P4HB: variants seen among roughly 807,000 people sequenced by gnomAD.
P4HB encodes the protein prolyl 4-hydroxylase subunit beta.
Under a neutral mutation model 52.6 loss-of-function variants are expected in P4HB, and 20 were observed. The observed-to-expected ratio is 0.38, with a 90% confidence interval of 0.27 to 0.55. The LOEUF (loss-of-function observed/expected upper bound fraction) is 0.55, where lower values mean the gene tolerates loss of function less well. Ranked by LOEUF, P4HB falls within the 20% of genes least tolerant of loss-of-function variation. P4HB has a pLI of 0.74. For missense variants in P4HB, 601 were observed against 669.2 expected (o/e 0.90, Z 1.12); for synonymous variants, 296 against 277.9 (o/e 1.07, Z -0.65).
At chr17:81,859,142 C>G (rs1309300709) in intron 2 of P4HB, 39 bp downstream of exon 2, 2 of 1,590,464 alleles carry the variant, frequency 1.3e-6, no homozygotes, top group South Asian at 1.1e-5. Flanking sequence ...AGGCCAGTCC[C>G]TCTCTAAAGA....
chr17:81,859,203 C>T lies in P4HB; in HGVS notation c.330G>A (p.Thr110=), dbSNP rs147385115. 1.6e-5 allele frequency: 26 copies of T among 1,613,788 alleles called. No homozygotes were observed. The East Asian group carries it at 2.0e-4, about 12-fold the overall frequency. ...PTIKFFRNGD[T]ASPKEYTAGR... ...CACCTGTATATTCCTTGGGGGAAGC[C>T]GTGTCTCCATTCCTGAAGAACTTGA... is the stretch of plus-strand genomic sequence containing the variant. The change falls in exon 2 of 11, where the codon ACG becomes ACA. Residue 110 remains threonine, a synonymous_variant. Coordinates refer to ENST00000331483, the MANE Select transcript of P4HB (RefSeq NM_000918.4).
At position 81,859,345 on chromosome 17, in the gene P4HB, T is replaced by C; in HGVS notation, c.188A>G (p.Tyr63Cys). 1 of 1,613,854 alleles carries C rather than the reference T, an allele frequency of 6.2e-7. No individual in the cohort carries two copies. Among genetic ancestry groups the C allele is most frequent in the East Asian group, 2.2e-5 (1 of 44,882 alleles). ...CTTCAGCTTCCCAGCGGCTTTGGCATACTCAGGGGCCAGAGCCTTGCAGTG... is the reference window on the plus strand; with the variant it reads ...CTTCAGCTTCCCAGCGGCTTTGGCACACTCAGGGGCCAGAGCCTTGCAGTG... ...CGHCKALAPE[Y>C]AKAAGKLKAE... The change falls in exon 2 of 11, where the codon TAT becomes TGT. Residue 63 changes from tyrosine to cysteine, a missense_variant. By Grantham distance (194) the Tyr-to-Cys change is radical. Coordinates refer to ENST00000331483, the MANE Select transcript of P4HB (RefSeq NM_000918.4).
At chr17:81,860,161 C>G in intron 1 of P4HB, 166 bp downstream of exon 1, 2 of 529,274 alleles carry the variant, frequency 3.8e-6, no homozygotes, top group Non-Finnish European at 6.0e-6. Flanking sequence ...CCGGCTCTCA[C>G]CCCCAGGGAG....
chr17:81,858,244 A>T (rs2038943545), intron 2 of P4HB, among the ~76,000 whole-genome samples: 1 of 98,184 alleles, frequency 1.0e-5, no homozygotes, highest in Non-Finnish European at 2.0e-5. Flanking sequence ...TGCACGACAG[A>T]GCGAGACTGT....
chr17:81,859,038 CA>C (rs1265047868), intron 2 of P4HB, 142 bp downstream of exon 2: 1 of 689,278 alleles, frequency 1.5e-6, no homozygotes. Flanking sequence ...CACAAGTGGA[CA>C]GAGAACCCGG....
At chr17:81,858,523 G>A (rs1407411459) in intron 2 of P4HB, among the ~76,000 whole-genome samples, 1 of 152,160 alleles carries the variant, frequency 6.6e-6, no homozygotes, top group Non-Finnish European at 1.5e-5. Flanking sequence ...CACAGAACCG[G>A]TTTTATAGAC....
In P4HB at chr17:81,855,465, G is replaced by A. The variant is rs201682102; in HGVS notation, c.474C>T (p.Ile158=). ...SLVESSEVAV[I]GFFKDVESDS... ...CTCTGGTCTCTACCTTGAAGAAGCC[G>A]ATGACAGCCACCTCGCTGGACTCCA... is the stretch of plus-strand genomic sequence containing the variant. The change falls in exon 3 of 11, where the codon ATC becomes ATT. Residue 158 remains isoleucine (I), a synonymous_variant. Transcript: ENST00000331483. This position sits in a 1 kb window ranked among gnomAD's most constrained non-coding sequence, Gnocchi z 4.3. The A allele has an allele frequency of 9.4e-5, 151 of 1,612,338 alleles. No homozygotes were observed. Among genetic ancestry groups the A allele is most frequent in the Non-Finnish European group, 1.2e-4 (137 of 1,179,036 alleles).
chr17:81,854,415 G>A (rs554797063), intron 4 of P4HB, among the ~76,000 whole-genome samples: 21 of 152,080 alleles, frequency 1.4e-4, no homozygotes, highest in African/African-American at 4.8e-4. Context: ...GGTGGCACGC[G>A]CCTGTAGTTC....
At chr17:81,845,303 C>T in intron 9 of P4HB, 73 bp from the exon 10 acceptor site, 1 of 1,307,710 alleles carries the variant, frequency 7.6e-7, no homozygotes, top group Non-Finnish European at 1.1e-6. Flanking sequence ...GCTCCTCCTC[C>T]CTAGAGAAAG....
intron 2 of P4HB, among the ~76,000 whole-genome samples, chr17:81,858,257 CAAAAAAAAAAAA>C (rs901002093): frequency 2.6e-4 from 10 of 38,778 alleles, no homozygotes; most frequent in Non-Finnish European, 4.0e-4. Flanking sequence ...GAGACTGTCT[CAAAAAAAAAAAA>C]AAAAAAAAAA....
At chr17:81,854,400 AGCGTGGTGGCAC>A (rs1415712203) in intron 4 of P4HB, among the ~76,000 whole-genome samples, 1 of 152,018 alleles carries the variant, frequency 6.6e-6, no homozygotes, top group East Asian at 1.9e-4. Context: ...AACTCAGCCC[AGCGTGGTGGCAC>A]GCGCCTGTAG....
In P4HB at chr17:81,843,833, G is replaced by A; in HGVS notation, c.*179C>T. 1.6e-6 allele frequency: 1 copy of A among 629,682 alleles called. No individual in the cohort carries two copies. Among genetic ancestry groups the A allele is most frequent in the Admixed American group, 2.8e-5 (1 of 35,434 alleles). The allele number at this position is 629,682 out of a possible 1,614,324, so 39.0% of individuals were successfully genotyped here. Reference sequence around the variant, plus strand: ...ATCCCTTTCCAAAAACCGAAAAGCAGAAGGAAGAGACGGGGGTGAACGGAC... The same window carrying A: ...ATCCCTTTCCAAAAACCGAAAAGCAAAAGGAAGAGACGGGGGTGAACGGAC... On this transcript the variant is annotated 3_prime_UTR_variant, in exon 11 of 11. Coordinates refer to ENST00000331483, the MANE Select transcript of P4HB (RefSeq NM_000918.4).
At position 81,844,025 on chromosome 17, in the gene P4HB, T is replaced by C. The variant is rs201852386; in HGVS notation, c.1514A>G (p.Lys505Arg). The change falls in exon 11 of 11, where the codon AAA becomes AGA. Residue 505 changes from lysine (K) to arginine (R), a missense_variant. By Grantham distance (26) the Lys-to-Arg change is conservative. Coordinates refer to ENST00000331483, the MANE Select transcript of P4HB (RefSeq NM_000918.4). ...MEEDDDQKAVKDEL is the reference protein window; with the variant it reads ...MEEDDDQKAVRDEL ...TGGCTTTGCGTATTACAGTTCATCT[T>C]TCACAGCTTTCTGATCATCGTCTTC... The C allele has an allele frequency of 1.7e-5, 27 of 1,613,364 alleles. No homozygotes were observed. The highest frequency in any genetic ancestry group is 2.2e-5 in the Non-Finnish European group (26 of 1,179,444).
chr17:81,844,089 G>T lies in P4HB; in HGVS notation c.1450C>A (p.Leu484Ile). 6.2e-7 allele frequency: 1 copy of T among 1,610,816 alleles called. No individual in the cohort carries two copies. Among genetic ancestry groups the T allele is most frequent in the South Asian group, 1.1e-5 (1 of 90,990 alleles). The change falls in exon 11 of 11, where the codon CTC (leucine) becomes ATC (isoleucine). Residue 484 changes from leucine to isoleucine, a missense_variant. Leu to Ile is a conservative substitution (Grantham distance 5, BLOSUM62 2). Transcript: ENST00000331483. ...GQDGAGDDDDLEDLEEAEEPD... is the reference protein window; with the variant it reads ...GQDGAGDDDDIEDLEEAEEPD... ...TCCTCTGCTTCTTCCAGGTCCTCGA[G>T]ATCCTGGGATACAGGAAAAGGGGCG...
intron 1 of P4HB, chr17:81,860,082 C>G (rs1449481884): frequency 2.6e-6 from 1 of 377,874 alleles, no homozygotes. Flanking sequence ...CGATCCTGTT[C>G]TTCTCGCACT....
Position 81,846,063 on chromosome 17 carries a change from T to G in P4HB, c.1057-72A>C. The G allele has an allele frequency of 6.7e-7, 1 of 1,481,734 alleles. No homozygotes were observed. The highest frequency in any genetic ancestry group is 9.0e-7 in the Non-Finnish European group (1 of 1,115,444). 91.8% of individuals were successfully genotyped at this position (1,481,734 alleles called of 1,614,324 possible). On this transcript the variant is annotated intron_variant, in intron 7 of 10. Coordinates refer to ENST00000331483, the MANE Select transcript of P4HB (RefSeq NM_000918.4). This position sits in a 1 kb window ranked among gnomAD's most constrained non-coding sequence, Gnocchi z 5.7. ...CCACAGAGCTCCCCAACCCTCACCCTGCCCGGGACTGAGGTGCGTGGCTGC... is the reference window on the plus strand; with the variant it reads ...CCACAGAGCTCCCCAACCCTCACCCGGCCCGGGACTGAGGTGCGTGGCTGC...
At chr17:81,844,173 C>A in intron 10 of P4HB, 81 bp from the exon 11 acceptor site, 1 of 992,316 alleles carries the variant, frequency 1.0e-6, no homozygotes, top group South Asian at 1.3e-5. Flanking sequence ...CCACACTGCT[C>A]ACACCGGGGA....
chr17:81,846,659 C>A lies in P4HB; in HGVS notation c.856-30G>T, dbSNP rs115222899. ...GGGAGAAAAGGAGGTTGCACAGGTG[C>A]GGGAGACGGCTGGCCTCTGCCTCCA... On this transcript the variant is annotated intron_variant, in intron 6 of 10. Coordinates refer to ENST00000331483, the MANE Select transcript of P4HB (RefSeq NM_000918.4). The surrounding 1 kb of genome is among the most constrained non-coding windows in gnomAD (Gnocchi z 5.7). 2 of 1,599,234 alleles carry A rather than the reference C, an allele frequency of 1.3e-6. No homozygotes were observed. Among genetic ancestry groups the A allele is most frequent in the East Asian group, 4.5e-5 (2 of 44,744 alleles).
intron 4 of P4HB, among the ~76,000 whole-genome samples, chr17:81,851,866 C>T (rs2038836876): frequency 1.3e-5 from 2 of 152,218 alleles, no homozygotes; most frequent in Non-Finnish European, 2.9e-5. Flanking sequence ...CCCTGCCAGG[C>T]CACGGTGACA....
Sources: allele counts gnomAD v4.1 joint callset (sites outside exome capture counted in the v4.1 genomes callset), GRCh38; gene constraint gnomAD v4.1.1; non-coding constraint Gnocchi (gnomAD v3.1); transcripts MANE v1.5; gene names NCBI Gene and HGNC (gene_info 2026-07-23, HGNC 2026-07-21).